The following ERC2 variants were observed in gnomAD, a reference collection of about 807,000 sequenced individuals.
ERC2 encodes ELKS/RAB6-interacting/CAST family member 2.
A neutral mutation model predicts 114.8 loss-of-function variants in ERC2; 42 were observed. That is an observed-to-expected ratio of 0.37 (90% CI 0.29 to 0.47). The LOEUF is 0.47. ERC2 is among the 20% of genes least tolerant of loss of function. The pLI, the probability that ERC2 is intolerant of heterozygous loss-of-function variation, is 0.99. For synonymous variants in ERC2, 454 were observed against 425.5 expected, an observed-to-expected ratio of 1.07 and a Z score of -0.82; for missense variants, 939 against 1,150.7, an observed-to-expected ratio of 0.82 and a Z score of 2.66.
chr3:56,294,995 A>C (rs2055337039), intron 3 of ERC2, among the ~76,000 whole-genome samples: 1 of 152,216 alleles, frequency 6.6e-6, no homozygotes, highest in Non-Finnish European at 1.5e-5. Context: ...AATATAACCC[A>C]CATCAGAGCA....
At chr3:56,145,823 A>G (rs767435798) in intron 5 of ERC2, among the ~76,000 whole-genome samples, 6 of 152,224 alleles carry the variant, frequency 3.9e-5, no homozygotes, top group Admixed American at 1.3e-4. Flanking sequence ...AAGAACTTTC[A>G]AGAGACCCTA....
At chr3:55,550,088 T>C (rs866232539) in intron 17 of ERC2, among the ~76,000 whole-genome samples, 22 of 152,202 alleles carry the variant, frequency 1.4e-4, no homozygotes, top group Admixed American at 6.5e-4. Context: ...TGTGCACCTT[T>C]GCCCTTTGCA....
intron 15 of ERC2, among the ~76,000 whole-genome samples, chr3:55,726,468 G>T (rs2064924912): frequency 6.6e-6 from 1 of 152,234 alleles, no homozygotes; most frequent in Admixed American, 6.5e-5. Flanking sequence ...CCACTCAGGT[G>T]CTTCTTACTT....
At chr3:56,352,175 C>T (rs1447860822) in intron 2 of ERC2, among the ~76,000 whole-genome samples, 1 of 152,118 alleles carries the variant, frequency 6.6e-6, no homozygotes, top group Non-Finnish European at 1.5e-5. Flanking sequence ...AATCTAGAGA[C>T]AATGTAGATA....
Position 56,348,924 on chromosome 3 carries a change from GAAGGAAGGAAGGAAGGAAGGAAGGA to G in ERC2, c.658-52514_658-52490del, listed in dbSNP as rs1367836983. Among the ~76,000 whole-genome samples, 717 of 141,202 alleles carry G rather than the reference GAAGGAAGGAAGGAAGGAAGGAAGGA, an allele frequency of 5.1e-3. 16 individuals carry two copies. Among genetic ancestry groups the G allele is most frequent in the African/African-American group, 0.018 (657 of 36,074 alleles). 92.6% of individuals were successfully genotyped at this position (141,202 alleles called of 152,430 possible). Reference sequence around the variant, plus strand: ...GGAAGGAAAGAAGGAAGGAAGGAAGGAAGGAAGGAAGGAAGGAAGGAAGGAAGGAAGGAAAGAAAGAAAGAAGGAA... The same window carrying G: ...GGAAGGAAAGAAGGAAGGAAGGAAGGAGGAAGGAAAGAAAGAAAGAAGGAA... On this transcript the variant is annotated intron_variant, in intron 2 of 17. Transcript: ENST00000288221.
At chr3:56,391,740 A>G (rs2060135586) in intron 2 of ERC2, among the ~76,000 whole-genome samples, 1 of 152,194 alleles carries the variant, frequency 6.6e-6, no homozygotes, top group Admixed American at 6.5e-5. Context: ...AATCGTGCAC[A>G]GGAATGGGTT....
intron 14 of ERC2, among the ~76,000 whole-genome samples, chr3:55,814,292 C>T (rs2059828621): frequency 6.6e-6 from 1 of 152,138 alleles, no homozygotes; most frequent in Non-Finnish European, 1.5e-5. Context: ...TTTTGATTTT[C>T]ATGACAATCC....
At chr3:56,230,449 G>A (rs2050546112) in intron 3 of ERC2, among the ~76,000 whole-genome samples, 2 of 151,928 alleles carry the variant, frequency 1.3e-5, no homozygotes, top group South Asian at 4.2e-4. Context: ...TTGTAAAGAT[G>A]GGGTCTTGTC....
intron 14 of ERC2, among the ~76,000 whole-genome samples, chr3:55,835,994 C>T (rs2060861673): frequency 6.6e-6 from 1 of 151,254 alleles, no homozygotes; most frequent in South Asian, 2.1e-4. Flanking sequence ...GAGTGAACTC[C>T]CATTCACAAT....
At chr3:55,832,016 C>T (rs1416956443) in intron 14 of ERC2, among the ~76,000 whole-genome samples, 1 of 152,242 alleles carries the variant, frequency 6.6e-6, no homozygotes, top group African/African-American at 2.4e-5. Context: ...GCACAGCAGT[C>T]TGAGATCAAA....
rs533659326 is a variant in ERC2, at chr3:56,297,585, C to G, written c.658-1150G>C. ...CCAGGCTGGTCAGAGAAGGCAGCCA[C>G]AAGCCTGAAGGCATTTCTATCCCTA... On this transcript the variant is annotated intron_variant, in intron 2 of 17. Transcript: ENST00000288221. Among the ~76,000 whole-genome samples, 6 of 152,344 alleles carry G rather than the reference C, an allele frequency of 3.9e-5. 1 individual carries two copies. Among genetic ancestry groups the G allele is most frequent in the African/African-American group, 1.4e-4 (6 of 41,596 alleles).
chr3:56,278,211 T>G (rs1437826520), intron 3 of ERC2, among the ~76,000 whole-genome samples: 3 of 152,222 alleles, frequency 2.0e-5, no homozygotes, highest in African/African-American at 7.2e-5. Flanking sequence ...TTCAGACTGG[T>G]GGGATCAACA....
chr3:56,427,287 G>T (rs888995761), intron 2 of ERC2, among the ~76,000 whole-genome samples: 11 of 152,090 alleles, frequency 7.2e-5, no homozygotes, highest in African/African-American at 2.7e-4. Context: ...TTGGTTAGTT[G>T]GTTGATTGGT....
At chr3:56,461,262 A>G (rs2063306441) in intron 1 of ERC2, among the ~76,000 whole-genome samples, 1 of 152,200 alleles carries the variant, frequency 6.6e-6, no homozygotes, top group Non-Finnish European at 1.5e-5. Context: ...GTGCTCAAAG[A>G]TGGTGTATCA....
intron 7 of ERC2, among the ~76,000 whole-genome samples, chr3:56,076,597 A>G (rs2076988876): frequency 6.6e-6 from 1 of 152,156 alleles, no homozygotes; most frequent in East Asian, 1.9e-4. Context: ...CTTTTCATAC[A>G]TGTGCATTTT....
intron 17 of ERC2, among the ~76,000 whole-genome samples, chr3:55,518,608 T>C (rs2052692373): frequency 6.6e-6 from 1 of 152,368 alleles, no homozygotes; most frequent in South Asian, 2.1e-4. Context: ...TTAAACGTGT[T>C]TGGCATTAAT....
At chr3:55,737,115 C>T (rs1298470609) in intron 14 of ERC2, among the ~76,000 whole-genome samples, 1 of 152,156 alleles carries the variant, frequency 6.6e-6, no homozygotes, top group Non-Finnish European at 1.5e-5. Context: ...CCAGACCAGG[C>T]CCTCTCCAGA....
chr3:55,797,114 G>A (rs1234666096), intron 14 of ERC2, among the ~76,000 whole-genome samples: 1 of 152,136 alleles, frequency 6.6e-6, no homozygotes, highest in East Asian at 1.9e-4. Flanking sequence ...TACACATTAA[G>A]CATATGAAAT....
intron 10 of ERC2, among the ~76,000 whole-genome samples, chr3:55,994,808 CAT>C (rs1424631616): frequency 6.6e-6 from 1 of 152,092 alleles, no homozygotes; most frequent in Non-Finnish European, 1.5e-5. Context: ...CAGATGAATT[CAT>C]AGTCTTTTCA....
Sources: gnomAD v4.1 joint callset for allele counts (sites outside exome capture counted in the v4.1 genomes callset) on GRCh38, gnomAD v4.1.1 for gene constraint, MANE v1.5 for transcripts, NCBI Gene and HGNC (gene_info 2026-07-23, HGNC 2026-07-21) for gene names.